The following PHACTR1 variants were observed in gnomAD, a reference collection of about 807,000 sequenced individuals.
PHACTR1 encodes phosphatase and actin regulator 1.
A neutral mutation model predicts 69.2 loss-of-function variants in PHACTR1; 16 were observed. The ratio of observed to expected loss-of-function variants is 0.23; its 90% CI spans 0.16 to 0.35. The LOEUF (loss-of-function observed/expected upper bound fraction) is 0.35. Among genes scored for constraint, PHACTR1 ranks in the 10% least tolerant of loss-of-function variants. The pLI is 1.00. For synonymous variants in PHACTR1, 312 were observed against 284.5 expected (o/e 1.10, Z -0.97); for missense variants, 510 against 734.7 (o/e 0.69, Z 3.54).
intron 4 of PHACTR1, among the ~76,000 whole-genome samples, chr6:13,021,648 T>C (rs777122491): frequency 6.6e-6 from 1 of 152,212 alleles, no homozygotes; most frequent in Middle Eastern, 3.2e-3. Context: ...CAGCAATGAA[T>C]AGTATATAAA....
At chr6:13,267,838 GAA>G (rs558900640) in intron 10 of PHACTR1, 2 of 101,054 alleles carry the variant, frequency 2.0e-5, no homozygotes, top group African/African-American at 1.0e-4. Context: ...GGAATGATCT[GAA>G]AAAAAAAAAA....
At chr6:12,829,749 G>A (rs1028393310) in intron 4 of PHACTR1, among the ~76,000 whole-genome samples, 4 of 151,276 alleles carry the variant, frequency 2.6e-5, no homozygotes, top group Middle Eastern at 3.2e-3. Context: ...GAGGCCTGGA[G>A]TTCAAGATCA....
chr6:13,260,000 C>T (rs1168420488), intron 10 of PHACTR1, among the ~76,000 whole-genome samples: 1 of 152,212 alleles, frequency 6.6e-6, no homozygotes, highest in African/African-American at 2.4e-5. Flanking sequence ...TCTTCTGTGG[C>T]AGGAATGCCT....
At chr6:13,077,099 A>T (rs1583254156) in intron 5 of PHACTR1, among the ~76,000 whole-genome samples, 2 of 151,834 alleles carry the variant, frequency 1.3e-5, no homozygotes, top group East Asian at 1.9e-4. Flanking sequence ...AATAAAAAAA[A>T]AAATAAAGTA....
chr6:13,201,629 G>C (rs938100897), intron 7 of PHACTR1, among the ~76,000 whole-genome samples: 1 of 152,224 alleles, frequency 6.6e-6, no homozygotes, highest in African/African-American at 2.4e-5. Flanking sequence ...CTAGACTGGT[G>C]TAGTGGTCAA....
Position 12,971,717 on chromosome 6 carries a change from A to G in PHACTR1, c.251-81648A>G, listed in dbSNP as rs990344981. ...GCAATTCTGCACTATGCATAATACA[A>G]TTTTGCAAATATGCTAAAAAATACC... On this transcript the variant is annotated intron_variant, in intron 4 of 14. Transcript: ENST00000332995. Among the ~76,000 whole-genome samples, 6 of 152,190 alleles carry G rather than the reference A, an allele frequency of 3.9e-5. No homozygotes were observed. The South Asian group carries it at 6.2e-4, about 16-fold the overall frequency.
intron 4 of PHACTR1, chr6:12,933,517 T>C: frequency 1.3e-6 from 2 of 1,514,826 alleles, no homozygotes; most frequent in Non-Finnish European, 1.8e-6. Context: ...AACAGATCGG[T>C]TAGAACTGAT....
At chr6:13,209,117 A>G (rs1350916332) in intron 8 of PHACTR1, among the ~76,000 whole-genome samples, 1 of 152,156 alleles carries the variant, frequency 6.6e-6, no homozygotes, top group Non-Finnish European at 1.5e-5. Flanking sequence ...ACCATCCCAG[A>G]GGCCCTCTTC....
chr6:12,721,400 A>G (rs1762112058), intron 3 of PHACTR1, among the ~76,000 whole-genome samples: 1 of 152,148 alleles, frequency 6.6e-6, no homozygotes. Context: ...AAACTTCACA[A>G]TGAAGCCACT....
At chr6:12,909,938 T>C (rs1301936031) in intron 4 of PHACTR1, among the ~76,000 whole-genome samples, 1 of 152,230 alleles carries the variant, frequency 6.6e-6, no homozygotes, top group Admixed American at 6.5e-5. Flanking sequence ...AAGCCCCACA[T>C]TCGAAGATCC....
chr6:12,774,988 G>A (rs73722822), intron 4 of PHACTR1, among the ~76,000 whole-genome samples: 10,598 of 152,200 alleles, frequency 0.07, 453 homozygotes, highest in Admixed American at 0.1. Context: ...TTCTTTCCAA[G>A]GACGTGTCCA....
At chr6:13,157,039 C>T (rs1025974196) in intron 5 of PHACTR1, among the ~76,000 whole-genome samples, 2 of 152,188 alleles carry the variant, frequency 1.3e-5, no homozygotes, top group African/African-American at 2.4e-5. Context: ...TTCATTTCTT[C>T]CCATTGCTCT....
chr6:12,786,957 T>C (rs1771619803), intron 4 of PHACTR1, among the ~76,000 whole-genome samples: 1 of 152,214 alleles, frequency 6.6e-6, no homozygotes, highest in Non-Finnish European at 1.5e-5. Context: ...TTATAAGTTT[T>C]GTATAAATTC....
At chr6:12,845,824 C>T (rs1038838397) in intron 4 of PHACTR1, among the ~76,000 whole-genome samples, 1 of 152,114 alleles carries the variant, frequency 6.6e-6, no homozygotes, top group Non-Finnish European at 1.5e-5. Context: ...CTCTTAGGCT[C>T]GGCAAGAGTA....
chr6:13,208,121 C>T (rs982668103), intron 8 of PHACTR1, among the ~76,000 whole-genome samples: 3 of 152,124 alleles, frequency 2.0e-5, no homozygotes, highest in South Asian at 4.1e-4. Context: ...GTGGCTGGCA[C>T]GTTTTAATCT....
chr6:13,010,563 G>A (rs780223755), intron 4 of PHACTR1, among the ~76,000 whole-genome samples: 22 of 152,152 alleles, frequency 1.4e-4, no homozygotes, highest in African/African-American at 1.9e-4. Context: ...CAAATCACCC[G>A]GAGGTCTTGT....
intron 10 of PHACTR1, among the ~76,000 whole-genome samples, chr6:13,259,251 A>C (rs574894444): frequency 6.6e-6 from 1 of 152,350 alleles, no homozygotes; most frequent in Non-Finnish European, 1.5e-5. Flanking sequence ...GTTTATGTCC[A>C]ATAATCCTAA....
chr6:12,781,403 C>T (rs761612595), intron 4 of PHACTR1, among the ~76,000 whole-genome samples: 3 of 152,200 alleles, frequency 2.0e-5, no homozygotes, highest in Non-Finnish European at 4.4e-5. Context: ...AGCACTGGAG[C>T]CATTTTCAAA....
intron 6 of PHACTR1, among the ~76,000 whole-genome samples, chr6:13,172,028 A>C (rs1210075368): frequency 3.9e-5 from 6 of 152,194 alleles, no homozygotes; most frequent in Non-Finnish European, 8.8e-5. Context: ...TGGCCTCCCA[A>C]AATGCTAGGA....
Sources: gnomAD v4.1 joint callset for allele counts (sites outside exome capture counted in the v4.1 genomes callset) on GRCh38, gnomAD v4.1.1 for gene constraint, MANE v1.5 for transcripts, NCBI Gene and HGNC (gene_info 2026-07-23, HGNC 2026-07-21) for gene names.